The following TLE4 variants were observed in gnomAD, a reference collection of about 807,000 sequenced individuals.
The protein encoded by TLE4 is transducin-like enhancer protein 4.
Under a neutral mutation model 92.8 loss-of-function variants are expected in TLE4, and 8 were observed. The ratio of observed to expected loss-of-function variants is 0.09; its 90% confidence interval spans 0.05 to 0.16. The LOEUF is 0.16. Ranked by LOEUF, TLE4 falls within the 10% of genes least tolerant of loss-of-function variation. TLE4 has a pLI of 1.00. For synonymous variants in TLE4, 371 were observed against 374.1 expected, an observed-to-expected ratio of 0.99 and a Z score of 0.10; for missense variants, 675 against 997.6, an observed-to-expected ratio of 0.68 and a Z score of 4.36.
At chr9:79,708,832 T>C (rs753532014) in intron 13 of TLE4, 46 bp downstream of exon 13, 11 of 1,549,228 alleles carry the variant, frequency 7.1e-6, no homozygotes, top group Non-Finnish European at 9.6e-6. Flanking sequence ...CACGGAGGAT[T>C]GTCATGCTTG....
chr9:79,648,364 A>G (rs1375125100), intron 6 of TLE4, among the ~76,000 whole-genome samples: 2 of 152,144 alleles, frequency 1.3e-5, no homozygotes, highest in African/African-American at 4.8e-5. Context: ...CTGTAAAAAG[A>G]TGAATAACAA....
intron 1 of TLE4, 44 bp downstream of exon 1, chr9:79,572,879 A>G: frequency 6.4e-7 from 1 of 1,567,582 alleles, no homozygotes. Flanking sequence ...GTGCTGGGGG[A>G]TTCCCCGCGT....
In TLE4 at chr9:79,700,101, C is replaced by G. The variant is rs186486594; in HGVS notation, c.610-4682C>G. Among the ~76,000 whole-genome samples the G allele has an allele frequency of 2.8e-4, 42 of 152,290 alleles. No individual in the cohort carries two copies. The East Asian group carries it at 8.1e-3, about 29-fold the overall frequency. On this transcript the variant is annotated intron_variant, in intron 8 of 19. Transcript: ENST00000376552. ...ACTGTTGAGGGGCTAGGCTATGTGC[C>G]TGGGACTGCGCGTTGTACTTTATGT... is the stretch of plus-strand genomic sequence containing the variant.
chr9:79,645,623 A>T (rs2057981777), intron 6 of TLE4, among the ~76,000 whole-genome samples: 1 of 152,206 alleles, frequency 6.6e-6, no homozygotes, highest in Admixed American at 6.5e-5. Flanking sequence ...AACTGCAGGG[A>T]AATCTTTGTT....
chr9:79,612,766 G>A, intron 5 of TLE4, 48 bp downstream of exon 5: 1 of 1,534,326 alleles, frequency 6.5e-7, no homozygotes, highest in Non-Finnish European at 9.0e-7. Context: ...CCATTTTAGT[G>A]GTTTTGCAGA....
At chr9:79,710,169 A>G (rs1366630453) in intron 14 of TLE4, among the ~76,000 whole-genome samples, 9 of 152,226 alleles carry the variant, frequency 5.9e-5, no homozygotes, top group Admixed American at 2.6e-4. Context: ...GAGCCTCTGT[A>G]TTCACAGATT....
At chr9:79,607,132 G>A (rs1448243094) in intron 4 of TLE4, among the ~76,000 whole-genome samples, 3 of 151,996 alleles carry the variant, frequency 2.0e-5, no homozygotes, top group Non-Finnish European at 4.4e-5. Context: ...CCAGTGATGA[G>A]CATTTTTTCA....
chr9:79,649,942 G>A lies in TLE4; in HGVS notation c.391-2651G>A. On this transcript the variant is annotated intron_variant, in intron 6 of 19. Transcript: ENST00000376552. ...TTTTTTGTTTTTTTTTTGAGACAGG[G>A]TTTCACTCTGTCACACAGGCTGGGA... The A allele has an allele frequency of 4.9e-6, 6 of 1,227,996 alleles. No homozygotes were observed. The East Asian group carries it at 1.5e-4, about 31-fold the overall frequency. 76.1% of individuals were successfully genotyped at this position (1,227,996 alleles called of 1,614,324 possible).
intron 8 of TLE4, among the ~76,000 whole-genome samples, chr9:79,699,676 C>T (rs962335270): frequency 1.3e-5 from 2 of 152,146 alleles, no homozygotes; most frequent in African/African-American, 4.8e-5. Flanking sequence ...GGTTTCCATG[C>T]GACCTTTAGC....
At chr9:79,652,241 C>A (rs2059136784) in intron 6 of TLE4, among the ~76,000 whole-genome samples, 1 of 151,704 alleles carries the variant, frequency 6.6e-6, no homozygotes, top group African/African-American at 2.4e-5. Context: ...GGCTGGAGTG[C>A]AGTGGCACGA....
intron 8 of TLE4, among the ~76,000 whole-genome samples, chr9:79,659,303 A>T (rs1482882133): frequency 1.3e-5 from 2 of 152,060 alleles, no homozygotes; most frequent in African/African-American, 4.8e-5. Context: ...ATGTAGCCAT[A>T]TTTCTATCTA....
chr9:79,722,385 G>A, intron 17 of TLE4, 66 bp from the exon 18 acceptor site: 1 of 1,553,506 alleles, frequency 6.4e-7, no homozygotes, highest in Non-Finnish European at 8.8e-7. Context: ...AGAAGAGATA[G>A]TACCTCCCAG....
At chr9:79,592,266 C>T (rs113790286) in intron 4 of TLE4, among the ~76,000 whole-genome samples, 13,481 of 138,276 alleles carry the variant, frequency 0.097, 822 homozygotes, top group African/African-American at 0.13. Context: ...CTTCTTTCTT[C>T]TTCTTCTTCT....
chr9:79,674,451 A>T (rs2062922637), intron 8 of TLE4, among the ~76,000 whole-genome samples: 1 of 152,182 alleles, frequency 6.6e-6, no homozygotes, highest in African/African-American at 2.4e-5. Context: ...TTAAACCCTC[A>T]TCTGGATGTA....
intron 4 of TLE4, among the ~76,000 whole-genome samples, chr9:79,611,705 TA>T (rs879695599): frequency 1.9e-4 from 29 of 151,804 alleles, no homozygotes; most frequent in East Asian, 5.8e-4. Flanking sequence ...GTACGTGTAT[TA>T]AAAAAAACTG....
chr9:79,603,456 T>C (rs2046115834), intron 4 of TLE4, among the ~76,000 whole-genome samples: 1 of 152,164 alleles, frequency 6.6e-6, no homozygotes, highest in South Asian at 2.1e-4. Flanking sequence ...CACTGAAAGC[T>C]CAGATAATGG....
At chr9:79,707,970 T>C (rs897775477) in intron 11 of TLE4, 148 bp from the exon 12 acceptor site, 1 of 788,206 alleles carries the variant, frequency 1.3e-6, no homozygotes, top group Non-Finnish European at 2.0e-6. Context: ...GTTTCTTTGT[T>C]AACTTTTCTA....
intron 4 of TLE4, among the ~76,000 whole-genome samples, chr9:79,609,049 A>G (rs1452416104): frequency 6.6e-6 from 1 of 152,084 alleles, no homozygotes; most frequent in Non-Finnish European, 1.5e-5. Flanking sequence ...TGTATTTGGT[A>G]TTGTGTGCGT....
chr9:79,615,544 ACT>A (rs914746092), intron 5 of TLE4, among the ~76,000 whole-genome samples: 5 of 152,220 alleles, frequency 3.3e-5, no homozygotes, highest in African/African-American at 9.6e-5. Flanking sequence ...ATATTTACAT[ACT>A]GTTAGATGAA....
Sources: gnomAD v4.1 joint callset for allele counts (sites outside exome capture counted in the v4.1 genomes callset) on GRCh38, gnomAD v4.1.1 for gene constraint, MANE v1.5 for transcripts, NCBI Gene and HGNC (gene_info 2026-07-23, HGNC 2026-07-21) for gene names.